The following RBFOX1 variants were observed in gnomAD, a reference collection of about 807,000 sequenced individuals.
RBFOX1 encodes RNA binding fox-1 homolog 1.
In RBFOX1, 8 loss-of-function variants were observed where a neutral mutation model predicts 57.7. The ratio of observed to expected loss-of-function variants is 0.14; its 90% CI spans 0.08 to 0.25. The LOEUF is 0.25. RBFOX1 is among the 10% of genes least tolerant of loss of function. The probability of loss-of-function intolerance (pLI) is 1.00; values close to 1 mark genes in which losing one functional copy is unlikely to be tolerated. For synonymous variants in RBFOX1, 326 were observed against 222.4 expected (o/e 1.47, Z -4.15); for missense variants, 611 against 548.5 (o/e 1.11, Z -1.14).
chr16:6,101,610 C>T (rs554227605), intron 1 of RBFOX1, among the ~76,000 whole-genome samples: 5 of 152,264 alleles, frequency 3.3e-5, no homozygotes, highest in African/African-American at 7.2e-5. Flanking sequence ...CCTCACCCTC[C>T]GGAGTAGCTG....
intron 4 of RBFOX1, among the ~76,000 whole-genome samples, chr16:5,917,538 C>T (rs1323203023): frequency 1.3e-5 from 2 of 152,162 alleles, no homozygotes; most frequent in East Asian, 1.9e-4. Context: ...GTTCTGACAC[C>T]ACCTGTGGGA....
At chr16:7,372,525 G>A (rs562435979) in intron 4 of RBFOX1, among the ~76,000 whole-genome samples, 1 of 152,268 alleles carries the variant, frequency 6.6e-6, no homozygotes, top group African/African-American at 2.4e-5. Flanking sequence ...TGCCAACCCT[G>A]ATTGATTAGT....
chr16:6,310,525 C>T (rs920736860), intron 1 of RBFOX1, among the ~76,000 whole-genome samples: 2 of 152,092 alleles, frequency 1.3e-5, no homozygotes, highest in Non-Finnish European at 2.9e-5. Context: ...GTCCTCACAT[C>T]AACCCTCTGA....
intron 1 of RBFOX1, among the ~76,000 whole-genome samples, chr16:6,095,411 T>C (rs1323823620): frequency 2.6e-5 from 4 of 152,216 alleles, no homozygotes; most frequent in Non-Finnish European, 4.4e-5. Flanking sequence ...CTGTGCACTT[T>C]CTGTGGAGCT....
Position 6,523,117 on chromosome 16 carries a change from A to G in RBFOX1, c.-63-131486A>G, listed in dbSNP as rs538643016. On this transcript the variant is annotated intron_variant, in intron 2 of 15. Transcript: ENST00000550418. Reference sequence around the variant, plus strand: ...CTTATGTGTTTGTTTGAATTGTTCAATTGCCTTTTTCTGCCAACTGGAACG... The same window carrying G: ...CTTATGTGTTTGTTTGAATTGTTCAGTTGCCTTTTTCTGCCAACTGGAACG... 7.2e-4 allele frequency among the ~76,000 whole-genome samples: 110 copies of G among 152,244 alleles called. 1 individual carries two copies. The highest frequency in any genetic ancestry group is 2.4e-3 in the African/African-American group (99 of 41,542).
chr16:6,108,901 C>A (rs923933317), intron 1 of RBFOX1, among the ~76,000 whole-genome samples: 1 of 152,118 alleles, frequency 6.6e-6, no homozygotes, highest in Non-Finnish European at 1.5e-5. Flanking sequence ...ATTTCGGACC[C>A]ACCTAGATAA....
Position 6,876,709 on chromosome 16 carries a change from C to T in RBFOX1, c.-15-175348C>T, listed in dbSNP as rs141974504. Among the ~76,000 whole-genome samples the T allele has an allele frequency of 6.9e-3, 1,051 of 152,040 alleles. 11 individuals carry two copies. Among genetic ancestry groups the T allele is most frequent in the African/African-American group, 0.024 (980 of 41,468 alleles). On this transcript the variant is annotated intron_variant, in intron 3 of 15. Transcript: ENST00000550418. ...TGGAACCAAAGAAGTTGTTATCTGC[C>T]GTCTGATCAAGAGAGAACCCATAGT... is the stretch of plus-strand genomic sequence containing the variant.
intron 3 of RBFOX1, among the ~76,000 whole-genome samples, chr16:5,840,873 C>T (rs1046021799): frequency 2.0e-5 from 3 of 152,314 alleles, no homozygotes; most frequent in South Asian, 2.1e-4. Flanking sequence ...AGAGCTTGGA[C>T]TGCCAGAAGC....
intron 2 of RBFOX1, among the ~76,000 whole-genome samples, chr16:5,563,579 G>A (rs1398466606): frequency 6.6e-6 from 1 of 152,172 alleles, no homozygotes; most frequent in Non-Finnish European, 1.5e-5. Flanking sequence ...TGATGCTGTT[G>A]AGTTGTGCTG....
intron 3 of RBFOX1, among the ~76,000 whole-genome samples, chr16:6,909,969 G>C (rs1350176521): frequency 6.6e-6 from 1 of 151,762 alleles, no homozygotes; most frequent in East Asian, 1.9e-4. Context: ...TTCCAATATT[G>C]CTCCTCAGGC....
At chr16:6,312,640 C>T (rs4786856) in intron 1 of RBFOX1, among the ~76,000 whole-genome samples, 47,511 of 150,302 alleles carry the variant, frequency 0.32, 7,985 homozygotes, top group Middle Eastern at 0.41. Flanking sequence ...ATGACTAAGC[C>T]GATAGTTCCT....
At chr16:6,070,583 G>A (rs980906114) in intron 1 of RBFOX1, among the ~76,000 whole-genome samples, 2 of 152,064 alleles carry the variant, frequency 1.3e-5, no homozygotes, top group African/African-American at 2.4e-5. Context: ...AAAACAGCCC[G>A]AAGAAGCAGC....
rs537123013 is a variant in RBFOX1 at position 5,681,198 on chromosome 16, C to T, written c.318+82237C>T. 2.8e-3 allele frequency among the ~76,000 whole-genome samples: 429 copies of T among 151,144 alleles called. 2 individuals are homozygous for T. Among genetic ancestry groups the T allele is most frequent in the Non-Finnish European group, 5.0e-3 (342 of 67,848 alleles). ...ATGCCATTCTCATGCCTCAGCCTCC[C>T]GAGTAGCTGGGATCACAGGTGCCTG... On this transcript the variant is annotated intron_variant, in intron 3 of 19. Coordinates refer to the RBFOX1 transcript ENST00000641259.
At chr16:7,551,387 C>T (rs1192301688) in intron 5 of RBFOX1, among the ~76,000 whole-genome samples, 1 of 152,098 alleles carries the variant, frequency 6.6e-6, no homozygotes, top group South Asian at 2.1e-4. Flanking sequence ...AGCTCACTGC[C>T]TTGAGAGGGT....
chr16:6,712,898 T>G (rs903873139), intron 3 of RBFOX1, among the ~76,000 whole-genome samples: 26 of 125,896 alleles, frequency 2.1e-4, no homozygotes, highest in African/African-American at 4.6e-4. Flanking sequence ...TTTTTTTTTT[T>G]TTTTTTTTTT....
intron 4 of RBFOX1, among the ~76,000 whole-genome samples, chr16:7,134,414 G>T (rs1288749288): frequency 6.6e-6 from 1 of 152,146 alleles, no homozygotes; most frequent in Non-Finnish European, 1.5e-5. Flanking sequence ...TACTTCTTCA[G>T]GCATTGAGGA....
intron 4 of RBFOX1, among the ~76,000 whole-genome samples, chr16:5,876,363 A>C (rs1225284829): frequency 6.6e-6 from 1 of 152,180 alleles, no homozygotes; most frequent in Non-Finnish European, 1.5e-5. Context: ...ACTGAGGCTT[A>C]ACATGGTTAG....
At chr16:5,647,194 C>A (rs2049082673) in intron 3 of RBFOX1, among the ~76,000 whole-genome samples, 1 of 152,180 alleles carries the variant, frequency 6.6e-6, no homozygotes, top group Non-Finnish European at 1.5e-5. Flanking sequence ...CACCGTTTCA[C>A]TGAATATGAA....
At chr16:6,502,853 T>C in intron 2 of RBFOX1, among the ~76,000 whole-genome samples, 1 of 152,174 alleles carries the variant, frequency 6.6e-6, no homozygotes, top group East Asian at 1.9e-4. Context: ...TGAATCCAAA[T>C]ACTAACTGGG....
Sources: gnomAD v4.1 joint callset for allele counts (sites outside exome capture counted in the v4.1 genomes callset) on GRCh38, gnomAD v4.1.1 for gene constraint, MANE v1.5 for transcripts, NCBI Gene and HGNC (gene_info 2026-07-23, HGNC 2026-07-21) for gene names.